The following SEPTIN11 variants were observed in gnomAD, a reference collection of about 807,000 sequenced individuals.
The protein encoded by SEPTIN11 is septin-11.
A neutral mutation model predicts 51.4 loss-of-function variants in SEPTIN11; 25 were observed. The observed-to-expected ratio is 0.49, with a 90% confidence interval of 0.35 to 0.68. The LOEUF (loss-of-function observed/expected upper bound fraction) is 0.68, where lower values mean the gene tolerates loss of function less well. SEPTIN11 is among the 30% of genes least tolerant of loss of function. The probability of loss-of-function intolerance (pLI) is 0.00; values close to 1 mark genes in which losing one functional copy is unlikely to be tolerated. For missense variants in SEPTIN11, 381 were observed against 520.8 expected (o/e 0.73, Z 2.61); for synonymous variants, 174 against 184.1 (o/e 0.95, Z 0.44).
Position 76,949,882 on chromosome 4 carries a change from C to T in SEPTIN11, c.-22C>T, listed in dbSNP as rs1484107572. ...TCGGCGTAAAGCACCCGGGCGCAGC[C>T]GGAGCCGGTGCCGCAGCTGCGATGG... is the stretch of plus-strand genomic sequence containing the variant. On this transcript the variant is annotated 5_prime_UTR_variant, in exon 1 of 10. Coordinates refer to ENST00000264893, the MANE Select transcript of SEPTIN11 (RefSeq NM_018243.4). 2.6e-6 allele frequency: 4 copies of T among 1,521,706 alleles called. No individual in the cohort carries two copies. Among genetic ancestry groups the T allele is most frequent in the Admixed American group, 4.0e-5 (2 of 49,960 alleles). 94.3% of individuals were successfully genotyped at this position (1,521,706 alleles called of 1,614,324 possible).
chr4:76,979,517 T>G (rs1722659111), intron 1 of SEPTIN11, among the ~76,000 whole-genome samples: 2 of 152,214 alleles, frequency 1.3e-5, no homozygotes, highest in Admixed American at 6.5e-5. Flanking sequence ...AACTTTAGTT[T>G]CCTTCTCTGT....
chr4:77,033,159 G>GA (rs200462512), intron 9 of SEPTIN11, among the ~76,000 whole-genome samples: 17,005 of 147,600 alleles, frequency 0.12, 2,256 homozygotes, highest in African/African-American at 0.33. Context: ...AAATGTCCAA[G>GA]AAAAAAAAAA....
chr4:76,992,745 A>G (rs1205170276), intron 1 of SEPTIN11, among the ~76,000 whole-genome samples: 2 of 152,220 alleles, frequency 1.3e-5, no homozygotes, highest in Non-Finnish European at 2.9e-5. Flanking sequence ...AAGATTTCAT[A>G]ATAAAGACAA....
chr4:77,029,188 G>A (rs1399178742), intron 8 of SEPTIN11, among the ~76,000 whole-genome samples: 1 of 152,224 alleles, frequency 6.6e-6, no homozygotes, highest in African/African-American at 2.4e-5. Flanking sequence ...CACAAAGCCT[G>A]CACTCCACAT....
At chr4:76,985,524 T>G (rs1202150387) in intron 1 of SEPTIN11, among the ~76,000 whole-genome samples, 6 of 152,188 alleles carry the variant, frequency 3.9e-5, no homozygotes, top group African/African-American at 1.4e-4. Flanking sequence ...AAGGTGAAAC[T>G]CTAGTCCCAG....
chr4:76,973,539 G>A (rs1423675875), intron 1 of SEPTIN11, among the ~76,000 whole-genome samples: 1 of 152,210 alleles, frequency 6.6e-6, no homozygotes, highest in African/African-American at 2.4e-5. Flanking sequence ...AGCTCAGCAT[G>A]GATTTCCTCA....
At chr4:76,996,365 A>G in intron 1 of SEPTIN11, 60 bp from the exon 2 acceptor site, 1 of 1,119,320 alleles carries the variant, frequency 8.9e-7, no homozygotes, top group South Asian at 1.3e-5. Flanking sequence ...TGTTTGTGAT[A>G]TGTGATATCC....
chr4:76,995,685 A>G, intron 1 of SEPTIN11: 2 of 1,164,810 alleles, frequency 1.7e-6, no homozygotes, highest in South Asian at 3.9e-5. Context: ...AGCCAGTACC[A>G]TTTTATATAA....
chr4:77,038,284 G>A lies in SEPTIN11; in HGVS notation c.*3772G>A, dbSNP rs1727168456. 6.1e-6 allele frequency: 6 copies of A among 985,578 alleles called. No individual in the cohort carries two copies. In the South Asian group the frequency reaches 1.9e-4, roughly 31 times the overall value. The allele number at this position is 985,578 out of a possible 1,614,324, so 61.1% of individuals were successfully genotyped here. ...CTATTTCTTAATTTTAAAATATGCT[G>A]ATATGCCTTAAACTGTAGTTGTAGA... On this transcript the variant is annotated 3_prime_UTR_variant, in exon 10 of 10. Coordinates refer to ENST00000264893, the MANE Select transcript of SEPTIN11 (RefSeq NM_018243.4).
intron 2 of SEPTIN11, among the ~76,000 whole-genome samples, chr4:77,002,238 T>C (rs1239230081): frequency 6.6e-6 from 1 of 152,202 alleles, no homozygotes; most frequent in African/African-American, 2.4e-5. Context: ...GTTTGTAATT[T>C]CCACCTTAAT....
chr4:76,972,170 T>TG (rs1346975580), intron 1 of SEPTIN11, among the ~76,000 whole-genome samples: 1 of 152,252 alleles, frequency 6.6e-6, no homozygotes, highest in Non-Finnish European at 1.5e-5. Context: ...ATTTATCTTG[T>TG]TGAGGTTCAT....
At chr4:76,960,851 C>T (rs1721798691) in intron 1 of SEPTIN11, among the ~76,000 whole-genome samples, 1 of 152,210 alleles carries the variant, frequency 6.6e-6, no homozygotes, top group African/African-American at 2.4e-5. Context: ...GAAAATGGAT[C>T]TCTTTGTCAC....
chr4:77,037,332 A>C lies in SEPTIN11; in HGVS notation c.*2820A>C, dbSNP rs1269855023. On this transcript the variant is annotated 3_prime_UTR_variant, in exon 10 of 10. Coordinates refer to ENST00000264893, the MANE Select transcript of SEPTIN11 (RefSeq NM_018243.4). The stretch of plus-strand genomic sequence containing the variant: ...AGCCAAGATTGCACCACTGCATTCC[A>C]ACCTGGGTGATGAAGTGAGACTCTC... The C allele has an allele frequency of 6.1e-5, 59 of 964,970 alleles. No homozygotes were observed. Among genetic ancestry groups the C allele is most frequent in the Non-Finnish European group, 7.1e-5 (58 of 811,564 alleles). 59.8% of individuals were successfully genotyped at this position (964,970 alleles called of 1,614,324 possible). A position where few individuals can be genotyped will look rare whatever the true frequency, so the allele number is the denominator to read the frequency against.
At chr4:76,997,705 G>A (rs1217233237) in intron 2 of SEPTIN11, among the ~76,000 whole-genome samples, 2 of 152,142 alleles carry the variant, frequency 1.3e-5, no homozygotes, top group Non-Finnish European at 2.9e-5. Flanking sequence ...GAGACCTCCC[G>A]AATGGCAGCT....
Position 77,020,765 on chromosome 4 carries a change from T to G in SEPTIN11, c.953+95T>G. The G allele has an allele frequency of 9.3e-6, 11 of 1,184,136 alleles. No homozygotes were observed. In the South Asian group the frequency reaches 1.6e-4, roughly 18 times the overall value. 73.4% of individuals were successfully genotyped at this position (1,184,136 alleles called of 1,614,324 possible). On this transcript the variant is annotated intron_variant, in intron 7 of 9. Coordinates refer to ENST00000264893, the MANE Select transcript of SEPTIN11 (RefSeq NM_018243.4). ...AATGCTTGCTGGATTGAGATGGTGATGATGGAAGGATCTGGTGGGTGAAGA... is the reference window on the plus strand; with the variant it reads ...AATGCTTGCTGGATTGAGATGGTGAGGATGGAAGGATCTGGTGGGTGAAGA...
chr4:77,022,531 A>G (rs890140587), intron 7 of SEPTIN11, among the ~76,000 whole-genome samples: 14 of 152,230 alleles, frequency 9.2e-5, no homozygotes, highest in African/African-American at 3.1e-4. Flanking sequence ...GTCCGAAAGC[A>G]GCCATAGACC....
chr4:77,005,751 T>C lies in SEPTIN11; in HGVS notation c.293T>C (p.Ile98Thr). 1.2e-6 allele frequency: 2 copies of C among 1,613,876 alleles called. No individual in the cohort carries two copies. Among genetic ancestry groups the C allele is most frequent in the Non-Finnish European group, 1.7e-6 (2 of 1,179,878 alleles). Residue 98 changes from isoleucine to threonine, a missense_variant, in exon 3 of 10, where the codon ATT becomes ACT. Physicochemically the swap from Ile to Thr is moderately conservative, Grantham distance 89 (BLOSUM62 -1). Coordinates refer to ENST00000264893, the MANE Select transcript of SEPTIN11 (RefSeq NM_018243.4). ...QESNVRLKLT[I>T]VDTVGFGDQI... ...AGCAATGTACGGCTGAAGTTAACCA[T>C]TGTTGACACCGTGGGATTTGGAGAC...
chr4:76,962,190 A>G (rs1235883581), intron 1 of SEPTIN11, among the ~76,000 whole-genome samples: 1 of 152,244 alleles, frequency 6.6e-6, no homozygotes, highest in Admixed American at 6.5e-5. Context: ...TGGAAATTAT[A>G]GATGATGCCT....
At chr4:76,985,778 G>A (rs1344142718) in intron 1 of SEPTIN11, among the ~76,000 whole-genome samples, 1 of 152,236 alleles carries the variant, frequency 6.6e-6, no homozygotes, top group East Asian at 1.9e-4. Flanking sequence ...CACTAGTCAA[G>A]TAGCCATTGT....
Sources: allele counts gnomAD v4.1 joint callset (sites outside exome capture counted in the v4.1 genomes callset), GRCh38; gene constraint gnomAD v4.1.1; transcripts MANE v1.5; gene names NCBI Gene and HGNC (gene_info 2026-07-23, HGNC 2026-07-21).